The following RBFOX1 variants were observed in gnomAD, a reference collection of about 807,000 sequenced individuals.
RBFOX1 encodes the protein RNA binding fox-1 homolog 1, also known as RNA binding protein fox-1 homolog 1.
RBFOX1 carries 8 observed loss-of-function variants against 57.7 expected under a neutral mutation model. That is an observed-to-expected ratio of 0.14 (90% confidence interval 0.08 to 0.25). The LOEUF (loss-of-function observed/expected upper bound fraction) is 0.25. Among genes scored for constraint, RBFOX1 ranks in the 10% least tolerant of loss-of-function variants. The probability of loss-of-function intolerance (pLI) is 1.00; values close to 1 mark genes in which losing one functional copy is unlikely to be tolerated. For synonymous variants in RBFOX1, 326 were observed against 222.4 expected (o/e 1.47, Z -4.15); for missense variants, 611 against 548.5 (o/e 1.11, Z -1.14).
intron 3 of RBFOX1, among the ~76,000 whole-genome samples, chr16:5,612,441 T>A (rs1278072611): frequency 1.6e-4 from 24 of 150,236 alleles, no homozygotes; most frequent in African/African-American, 5.8e-4. Context: ...CCCCCCTCTG[T>A]GGGTCTACAG....
intron 4 of RBFOX1, among the ~76,000 whole-genome samples, chr16:7,227,895 G>A (rs1326831172): frequency 6.6e-6 from 1 of 152,152 alleles, no homozygotes; most frequent in Non-Finnish European, 1.5e-5. Context: ...AGCTCACGTG[G>A]TTATCCTTTC....
chr16:7,215,632 G>A (rs1018636129), intron 4 of RBFOX1, among the ~76,000 whole-genome samples: 7 of 151,982 alleles, frequency 4.6e-5, no homozygotes, highest in South Asian at 2.1e-4. Flanking sequence ...ACCCTCAAAA[G>A]ATCCTCGGGC....
chr16:5,843,200 G>A (rs554637003), intron 3 of RBFOX1, among the ~76,000 whole-genome samples: 4 of 152,074 alleles, frequency 2.6e-5, no homozygotes, highest in East Asian at 1.9e-4. Context: ...GTAAACTCAC[G>A]TCTCAGGGGT....
At chr16:6,193,427 A>T (rs7201702) in intron 1 of RBFOX1, among the ~76,000 whole-genome samples, 1,722 of 60,270 alleles carry the variant, frequency 0.029, 15 homozygotes, top group Non-Finnish European at 0.04. Context: ...TATATATATA[A>T]AATTCAGTGA....
chr16:6,658,519 C>G (rs2098677308), intron 3 of RBFOX1, among the ~76,000 whole-genome samples: 1 of 152,080 alleles, frequency 6.6e-6, no homozygotes, highest in Non-Finnish European at 1.5e-5. Flanking sequence ...GAGCCCTCAT[C>G]TTGTTGTAGA....
intron 3 of RBFOX1, among the ~76,000 whole-genome samples, chr16:7,024,776 A>G (rs1189895470): frequency 6.6e-6 from 1 of 152,214 alleles, no homozygotes; most frequent in African/African-American, 2.4e-5. Context: ...TGTTGAGTTC[A>G]GAGCCATTCC....
chr16:7,427,443 C>T (rs61686293), intron 4 of RBFOX1, among the ~76,000 whole-genome samples: 2,522 of 152,060 alleles, frequency 0.017, 75 homozygotes, highest in African/African-American at 0.058. Context: ...AAATGCGAAA[C>T]GTACCAAATG....
chr16:7,293,719 C>G (rs1448509293), intron 4 of RBFOX1, among the ~76,000 whole-genome samples: 2 of 152,062 alleles, frequency 1.3e-5, no homozygotes, highest in Non-Finnish European at 1.5e-5. Context: ...GGTTTTCTAC[C>G]CAATACCCGA....
At chr16:6,340,310 T>G (rs1030811285) in intron 2 of RBFOX1, among the ~76,000 whole-genome samples, 7 of 152,086 alleles carry the variant, frequency 4.6e-5, no homozygotes, top group African/African-American at 1.7e-4. Context: ...CTAAATTAGT[T>G]ACTGGTGTTA....
chr16:6,101,353 G>A (rs997468120), intron 1 of RBFOX1, among the ~76,000 whole-genome samples: 1 of 152,180 alleles, frequency 6.6e-6, no homozygotes, highest in African/African-American at 2.4e-5. Flanking sequence ...TGTACACGAT[G>A]TCCTCATACT....
At chr16:6,462,803 T>A (rs1474023138) in intron 2 of RBFOX1, among the ~76,000 whole-genome samples, 1 of 151,812 alleles carries the variant, frequency 6.6e-6, no homozygotes, top group Admixed American at 6.6e-5. Flanking sequence ...AAGTATTGAG[T>A]ATACACATGG....
At chr16:7,662,374 C>T (rs910419918) in intron 12 of RBFOX1, among the ~76,000 whole-genome samples, 2 of 152,134 alleles carry the variant, frequency 1.3e-5, no homozygotes, top group Admixed American at 1.3e-4. Flanking sequence ...TACTGAATAG[C>T]CAAATCAGAG....
intron 2 of RBFOX1, among the ~76,000 whole-genome samples, chr16:6,398,695 G>C (rs192263089): frequency 1.6e-3 from 248 of 152,360 alleles, no homozygotes; most frequent in Admixed American, 4.0e-3. Context: ...GCCTTGGGCA[G>C]CTCTGCCCCT....
intron 3 of RBFOX1, among the ~76,000 whole-genome samples, chr16:6,914,665 C>G (rs538409914): frequency 6.6e-6 from 1 of 152,118 alleles, no homozygotes; most frequent in Non-Finnish European, 1.5e-5. Flanking sequence ...CTTGAGGCCA[C>G]GAGTTCAAGA....
At chr16:7,541,480 T>C (rs2082921278) in intron 5 of RBFOX1, among the ~76,000 whole-genome samples, 2 of 152,028 alleles carry the variant, frequency 1.3e-5, no homozygotes, top group Admixed American at 6.6e-5. Context: ...TTTTCCCGAC[T>C]TTTATCTCAC....
At chr16:7,335,737 C>T (rs1053992513) in intron 4 of RBFOX1, among the ~76,000 whole-genome samples, 1 of 152,104 alleles carries the variant, frequency 6.6e-6, no homozygotes, top group Non-Finnish European at 1.5e-5. Context: ...TCTTTTATTC[C>T]AAGCAATAAT....
At chr16:6,196,845 C>T (rs1381758588) in intron 1 of RBFOX1, among the ~76,000 whole-genome samples, 1 of 151,314 alleles carries the variant, frequency 6.6e-6, no homozygotes, top group Non-Finnish European at 1.5e-5. Context: ...TGATTTCCTA[C>T]TCCGTCCTGT....
intron 1 of RBFOX1, among the ~76,000 whole-genome samples, chr16:5,453,854 G>C (rs2068502155): frequency 6.6e-6 from 1 of 152,230 alleles, no homozygotes; most frequent in Non-Finnish European, 1.5e-5. Context: ...TTCTCATGCA[G>C]AAGGAGAAAG....
chr16:7,081,365 G>T (rs1307701660), intron 4 of RBFOX1, among the ~76,000 whole-genome samples: 17 of 152,286 alleles, frequency 1.1e-4, no homozygotes, highest in African/African-American at 3.8e-4. Context: ...GCAGAACATG[G>T]TAATAGTGTT....
Sources: allele counts gnomAD v4.1 joint callset (sites outside exome capture counted in the v4.1 genomes callset), GRCh38; gene constraint gnomAD v4.1.1; transcripts MANE v1.5; gene names NCBI Gene and HGNC (gene_info 2026-07-23, HGNC 2026-07-21).